Variants in CTNNA2 observed in about 807,000 individuals in gnomAD.
The protein encoded by CTNNA2 is catenin alpha 2, also known as catenin alpha-2.
CTNNA2 carries 42 observed loss-of-function variants against 101.0 expected under a neutral mutation model. The ratio of observed to expected loss-of-function variants is 0.42; its 90% CI spans 0.32 to 0.54. CTNNA2 has a LOEUF of 0.54. CTNNA2 is among the 20% of genes least tolerant of loss of function. The pLI, the probability that CTNNA2 is intolerant of heterozygous loss-of-function variation, is 0.14. For missense variants in CTNNA2, 871 were observed against 1,223.1 expected (o/e 0.71, Z 4.29); for synonymous variants, 450 against 456.4 (o/e 0.99, Z 0.18).
chr2:79,541,427 CATATATATATATAT>C (rs9284785), intron 1 of CTNNA2, among the ~76,000 whole-genome samples: 11 of 142,810 alleles, frequency 7.7e-5, no homozygotes, highest in Admixed American at 1.4e-4. Flanking sequence ...CGCACACACA[CATATATATATATAT>C]ATATATATAT....
intron 9 of CTNNA2, among the ~76,000 whole-genome samples, chr2:80,447,487 G>A (rs1429126987): frequency 6.6e-6 from 1 of 152,184 alleles, no homozygotes; most frequent in Non-Finnish European, 1.5e-5. Flanking sequence ...TGTGTGAGCA[G>A]CCACTCCATT....
chr2:80,371,369 A>G (rs796366719), intron 7 of CTNNA2, among the ~76,000 whole-genome samples: 2 of 152,284 alleles, frequency 1.3e-5, no homozygotes, highest in African/African-American at 4.8e-5. Flanking sequence ...GATGTCAACT[A>G]AATATGAGGT....
At chr2:79,568,854 T>G (rs1265683780) in intron 1 of CTNNA2, among the ~76,000 whole-genome samples, 1 of 84,654 alleles carries the variant, frequency 1.2e-5, no homozygotes, top group Non-Finnish European at 2.2e-5. Flanking sequence ...ACATTCTGTT[T>G]CTACAAAAAA....
At chr2:79,875,763 A>G (rs1682976156) in intron 6 of CTNNA2, among the ~76,000 whole-genome samples, 1 of 152,168 alleles carries the variant, frequency 6.6e-6, no homozygotes, top group Non-Finnish European at 1.5e-5. Flanking sequence ...ATGATAATAT[A>G]TTTAAAGCAC....
intron 3 of CTNNA2, among the ~76,000 whole-genome samples, chr2:79,778,070 G>A (rs182648640): frequency 7.2e-5 from 11 of 152,122 alleles, no homozygotes; most frequent in East Asian, 1.9e-4. Context: ...AGCTGGGTGC[G>A]GTGGCTCATG....
intron 7 of CTNNA2, among the ~76,000 whole-genome samples, chr2:79,982,052 A>G (rs201964880): frequency 1.6e-5 from 2 of 127,278 alleles, no homozygotes; most frequent in Non-Finnish European, 3.5e-5. Flanking sequence ...TTTTGTTTTT[A>G]TTTTGAGACA....
At chr2:79,769,325 A>G (rs1472526177) in intron 3 of CTNNA2, among the ~76,000 whole-genome samples, 1 of 152,144 alleles carries the variant, frequency 6.6e-6, no homozygotes, top group East Asian at 1.9e-4. Flanking sequence ...CACTTAATCA[A>G]TGCATTTTCC....
intron 4 of CTNNA2, among the ~76,000 whole-genome samples, chr2:79,500,398 G>A (rs1671306176): frequency 6.6e-6 from 1 of 152,108 alleles, no homozygotes; most frequent in Admixed American, 6.6e-5. Context: ...TATAGTAGAT[G>A]CTTAATAAAC....
At chr2:79,980,356 C>A (rs1216428009) in intron 7 of CTNNA2, among the ~76,000 whole-genome samples, 1 of 152,084 alleles carries the variant, frequency 6.6e-6, no homozygotes, top group African/African-American at 2.4e-5. Context: ...TCATCTAATT[C>A]TTTTGAAGGC....
chr2:80,591,341 T>C (rs1220419383), intron 15 of CTNNA2, among the ~76,000 whole-genome samples: 1 of 152,068 alleles, frequency 6.6e-6, no homozygotes, highest in East Asian at 1.9e-4. Flanking sequence ...GTGTTCTTTT[T>C]GTTAGGGCAA....
At chr2:79,471,168 G>A (rs1055151738) in intron 4 of CTNNA2, among the ~76,000 whole-genome samples, 8 of 152,210 alleles carry the variant, frequency 5.3e-5, no homozygotes, top group African/African-American at 1.2e-4. Context: ...TGGCAGACTC[G>A]TCCACATTTA....
Position 80,013,712 on chromosome 2 carries a change from G to A in CTNNA2, c.1056+103915G>A, listed in dbSNP as rs1045937654. Among the ~76,000 whole-genome samples the A allele has an allele frequency of 3.3e-5, 5 of 152,132 alleles. No homozygotes were observed. The East Asian group carries it at 9.6e-4, about 29-fold the overall frequency. On this transcript the variant is annotated intron_variant, in intron 7 of 18. Coordinates refer to ENST00000402739, the MANE Select transcript of CTNNA2 (RefSeq NM_001282597.3). ...GTCTCTCCCTAAGTAGAATCTGCGG[G>A]GTGATGGGTCAAGCATGCTCTCCCA...
rs190220006 is a variant in CTNNA2 at position 79,928,965 on chromosome 2, A to G, written c.1056+19168A>G. 7.2e-5 allele frequency among the ~76,000 whole-genome samples: 11 copies of G among 152,308 alleles called. No individual in the cohort carries two copies. In the East Asian group the frequency reaches 1.9e-3, roughly 27 times the overall value. On this transcript the variant is annotated intron_variant, in intron 7 of 18. Transcript: ENST00000402739. ...TAATAACAACAGGCAAAATTGCAAA[A>G]CACATTATTAAAGGGATGATTTGTG...
At chr2:80,545,429 C>T (rs758520623) in intron 10 of CTNNA2, among the ~76,000 whole-genome samples, 1 of 152,120 alleles carries the variant, frequency 6.6e-6, no homozygotes, top group Non-Finnish European at 1.5e-5. Context: ...CCTGTAGTCC[C>T]AGTTTACTGG....
chr2:80,393,404 C>T, intron 8 of CTNNA2, 113 bp downstream of exon 8: 1 of 742,710 alleles, frequency 1.3e-6, no homozygotes, highest in Non-Finnish European at 2.2e-6. Context: ...TTCTTTATAA[C>T]ATTTACATAT....
At chr2:79,840,721 C>T (rs1679730702) in intron 3 of CTNNA2, among the ~76,000 whole-genome samples, 1 of 151,580 alleles carries the variant, frequency 6.6e-6, no homozygotes, top group Non-Finnish European at 1.5e-5. Context: ...GCACTTGCGG[C>T]CAGGAGTCTG....
chr2:80,360,286 C>A (rs542578120), intron 7 of CTNNA2, among the ~76,000 whole-genome samples: 1 of 152,004 alleles, frequency 6.6e-6, no homozygotes, highest in South Asian at 2.1e-4. Context: ...AACTATTAAC[C>A]ATTTTGATGG....
chr2:80,549,109 T>C (rs1311017524), intron 11 of CTNNA2, among the ~76,000 whole-genome samples: 1 of 152,208 alleles, frequency 6.6e-6, no homozygotes, highest in Non-Finnish European at 1.5e-5. Flanking sequence ...TTTTAAGATG[T>C]GGCCTATGCA....
At chr2:79,901,187 T>C (rs899427997) in intron 6 of CTNNA2, among the ~76,000 whole-genome samples, 1 of 152,038 alleles carries the variant, frequency 6.6e-6, no homozygotes, top group Non-Finnish European at 1.5e-5. Flanking sequence ...AGAATGACTT[T>C]GACTAATGTT....
Sources: gnomAD v4.1 joint callset for allele counts (sites outside exome capture counted in the v4.1 genomes callset) on GRCh38, gnomAD v4.1.1 for gene constraint, MANE v1.5 for transcripts, NCBI Gene and HGNC (gene_info 2026-07-23, HGNC 2026-07-21) for gene names.